The following PCDHGA3 variants were observed in gnomAD, a reference collection of about 807,000 sequenced individuals.
PCDHGA3 encodes the protein protocadherin gamma subfamily A, 3, also known as protocadherin gamma-A3.
PCDHGA3 carries 40 observed loss-of-function variants against 58.5 expected under a neutral mutation model. That is an observed-to-expected ratio of 0.68 (90% CI 0.53 to 0.89). The LOEUF (loss-of-function observed/expected upper bound fraction) is 0.89. Ranked by LOEUF, PCDHGA3 falls within the 40% of genes least tolerant of loss-of-function variation. The pLI, the probability that PCDHGA3 is intolerant of heterozygous loss-of-function variation, is 0.00. For missense variants in PCDHGA3, 1,223 were observed against 1,195.9 expected (o/e 1.02, Z -0.33); for synonymous variants, 530 against 525.7 (o/e 1.01, Z -0.11).
intron 1 of PCDHGA3, chr5:141,400,377 A>G: frequency 1.2e-6 from 2 of 1,613,892 alleles, no homozygotes; most frequent in Non-Finnish European, 1.7e-6. Flanking sequence ...CCTACAACCT[A>G]TGTGTTGCAC....
intron 1 of PCDHGA3, chr5:141,478,557 G>A (rs1316386006): frequency 1.2e-6 from 2 of 1,600,016 alleles, no homozygotes; most frequent in Non-Finnish European, 1.7e-6. Context: ...GTAAGGTTTA[G>A]CAAGTCATGC....
chr5:141,470,037 G>A lies in PCDHGA3; in HGVS notation c.2425-24770G>A, dbSNP rs76537989. Among the ~76,000 whole-genome samples the A allele has an allele frequency of 2.3e-3, 347 of 152,258 alleles. 6 individuals are homozygous for A. The East Asian group carries it at 0.048, about 21-fold the overall frequency. On this transcript the variant is annotated intron_variant, in intron 1 of 3. Transcript: ENST00000253812. ...CCAGCTACTCGGGATGCTGAGGCGC[G>A]AGAACTGTTTGAACCCCGGAGGCAG...
intron 1 of PCDHGA3, among the ~76,000 whole-genome samples, chr5:141,484,319 C>T (rs1191113560): frequency 6.6e-6 from 1 of 152,212 alleles, no homozygotes; most frequent in Non-Finnish European, 1.5e-5. Context: ...CGCTTCCATA[C>T]TGTCCTTGAA....
chr5:141,374,926 TG>T, intron 1 of PCDHGA3: 2 of 1,613,970 alleles, frequency 1.2e-6, no homozygotes, highest in Non-Finnish European at 1.7e-6. Context: ...CTTATTCCTT[TG>T]TGAAGATTAC....
intron 1 of PCDHGA3, among the ~76,000 whole-genome samples, chr5:141,467,727 T>C (rs1562013145): frequency 6.6e-6 from 1 of 152,046 alleles, no homozygotes; most frequent in African/African-American, 2.4e-5. Flanking sequence ...AGTGGCACAA[T>C]CCCAGCTCGC....
chr5:141,500,484 C>T (rs2099800696), intron 2 of PCDHGA3, among the ~76,000 whole-genome samples: 1 of 152,304 alleles, frequency 6.6e-6, no homozygotes, highest in Non-Finnish European at 1.5e-5. Context: ...GCTGGGATTA[C>T]AGGCGTGAGC....
chr5:141,419,012 A>C (rs1422133011), intron 1 of PCDHGA3: 1 of 1,613,986 alleles, frequency 6.2e-7, no homozygotes. Context: ...AGTCAGGTGT[A>C]GCTTAAGTAG....
At chr5:141,411,309 C>A (rs2095479833) in intron 1 of PCDHGA3, 1 of 152,130 alleles carries the variant, frequency 6.6e-6, no homozygotes, top group African/African-American at 2.4e-5. Context: ...GTGGCTCACA[C>A]CTATAATCAC....
At chr5:141,376,041 C>G (rs781158382) in intron 1 of PCDHGA3, 1 of 1,613,218 alleles carries the variant, frequency 6.2e-7, no homozygotes, top group Non-Finnish European at 8.5e-7. Flanking sequence ...GGCCAGCCCC[C>G]TCTCTCCGCC....
At chr5:141,404,384 G>C in intron 1 of PCDHGA3, 9 of 1,613,904 alleles carry the variant, frequency 5.6e-6, no homozygotes, top group African/African-American at 1.3e-5. Context: ...GATTGCCTAT[G>C]ACCCTGATAG....
In PCDHGA3 at chr5:141,398,692, A is replaced by G. The variant is rs150385715; in HGVS notation, c.2424+52235A>G. 1.9e-3 allele frequency: 3,041 copies of G among 1,613,942 alleles called. 6 individuals carry two copies. Among genetic ancestry groups the G allele is most frequent in the Non-Finnish European group, 2.3e-3 (2,760 of 1,179,898 alleles). On this transcript the variant is annotated intron_variant, in intron 1 of 3. Coordinates refer to ENST00000253812, the MANE Select transcript of PCDHGA3 (RefSeq NM_018916.4). The stretch of plus-strand genomic sequence containing the variant: ...AATAATTAAGGAGAAACAGGATGGT[A>G]GTAAATACCCGGAACTGGCACTGGA...
intron 1 of PCDHGA3, chr5:141,360,240 T>G: frequency 6.2e-7 from 1 of 1,613,948 alleles, no homozygotes; most frequent in African/African-American, 1.3e-5. Context: ...AGATCCGCTA[T>G]TCAATTCCAG....
At chr5:141,450,006 C>CTTTTTT (rs1554136305) in intron 1 of PCDHGA3, among the ~76,000 whole-genome samples, 15 of 132,950 alleles carry the variant, frequency 1.1e-4, no homozygotes, top group African/African-American at 2.0e-4. Context: ...TGCCATGTCT[C>CTTTTTT]TTTTTTTTTT....
At chr5:141,498,971 G>GGGAGGGAAGGAAGGAAGGAAGGAA (rs2099787588) in intron 2 of PCDHGA3, among the ~76,000 whole-genome samples, 6 of 110,972 alleles carry the variant, frequency 5.4e-5, no homozygotes, top group Admixed American at 5.3e-4. Flanking sequence ...GAGGGAGGGA[G>GGGAGGGAAGGAAGGAAGGAAGGAA]GGAAGGAAGG....
At chr5:141,393,961 T>C (rs775398827) in intron 1 of PCDHGA3, 1 of 1,613,960 alleles carries the variant, frequency 6.2e-7, no homozygotes, top group South Asian at 1.1e-5. Flanking sequence ...GGTCAAGTTG[T>C]CTGTTACACA....
Position 141,388,177 on chromosome 5 carries a change from A to T in PCDHGA3, c.2424+41720A>T, listed in dbSNP as rs778496978. 25 of 1,515,690 alleles carry T rather than the reference A, an allele frequency of 1.6e-5. No individual in the cohort carries two copies. The Admixed American group carries it at 4.5e-4, about 27-fold the overall frequency. 93.9% of individuals were successfully genotyped at this position (1,515,690 alleles called of 1,614,324 possible). On this transcript the variant is annotated intron_variant, in intron 1 of 3. Coordinates refer to ENST00000253812, the MANE Select transcript of PCDHGA3 (RefSeq NM_018916.4). The stretch of plus-strand genomic sequence containing the variant: ...CTAGACAGGGAGGAGATATGCGGGA[A>T]GAAGCCAGCTTGTGCTCTGGAATTT...
At chr5:141,363,492 A>G (rs1043734455) in intron 1 of PCDHGA3, among the ~76,000 whole-genome samples, 5 of 152,244 alleles carry the variant, frequency 3.3e-5, no homozygotes, top group African/African-American at 1.2e-4. Flanking sequence ...GGATGATGAA[A>G]TAAAACCCCA....
At chr5:141,369,356 G>GA (rs1766179891) in intron 1 of PCDHGA3, among the ~76,000 whole-genome samples, 1 of 152,234 alleles carries the variant, frequency 6.6e-6, no homozygotes, top group Non-Finnish European at 1.5e-5. Context: ...GATGTAGTAT[G>GA]AAAAAACATC....
At chr5:141,408,784 A>G (rs777838376) in intron 1 of PCDHGA3, 2 of 1,612,506 alleles carry the variant, frequency 1.2e-6, no homozygotes, top group Admixed American at 1.7e-5. Context: ...ACCCAGAGTT[A>G]TCTCTGGAGA....
Sources: allele counts gnomAD v4.1 joint callset (sites outside exome capture counted in the v4.1 genomes callset), GRCh38; gene constraint gnomAD v4.1.1; transcripts MANE v1.5; gene names NCBI Gene and HGNC (gene_info 2026-07-23, HGNC 2026-07-21).